The following CYB5R3 variants were observed in gnomAD, a reference collection of about 807,000 sequenced individuals.
CYB5R3 encodes the protein NADH-cytochrome b5 reductase 3.
Under a neutral mutation model 36.5 loss-of-function variants are expected in CYB5R3, and 28 were observed. The ratio of observed to expected loss-of-function variants is 0.77; its 90% CI spans 0.57 to 1.05. The LOEUF (loss-of-function observed/expected upper bound fraction) is 1.05, where lower values mean the gene tolerates loss of function less well. Ranked by LOEUF, CYB5R3 falls within the 50% of genes least tolerant of loss-of-function variation. The pLI, the probability that CYB5R3 is intolerant of heterozygous loss-of-function variation, is 0.00. For missense variants in CYB5R3, 474 were observed against 408.9 expected (o/e 1.16, Z -1.37); for synonymous variants, 181 against 159.8 (o/e 1.13, Z -1.00).
Position 42,618,536 on chromosome 22 carries a change from C to CAAAAAAA in CYB5R3, c.*1230_*1236dup, listed in dbSNP as rs33966940. ...TGGGCGACAGAGCGAGACTCCGTCT[C>CAAAAAAA]AAAAAAAAAAAAAAAAAAATACAAA... is the stretch of plus-strand genomic sequence containing the variant. On this transcript the variant is annotated 3_prime_UTR_variant, in exon 9 of 9. Coordinates refer to ENST00000352397, the MANE Select transcript of CYB5R3 (RefSeq NM_000398.7). 1.2e-5 allele frequency: 1 copy of CAAAAAAA among 86,786 alleles called. No homozygotes were observed. 5.4% of individuals were successfully genotyped at this position (86,786 alleles called of 1,614,324 possible). A position where few individuals can be genotyped will look rare whatever the true frequency, so the allele number is the denominator to read the frequency against.
At chr22:42,634,386 T>A (rs968944452) in intron 2 of CYB5R3, among the ~76,000 whole-genome samples, 1 of 151,792 alleles carries the variant, frequency 6.6e-6, no homozygotes, top group Non-Finnish European at 1.5e-5. Flanking sequence ...AAACAAAAAA[T>A]CATATCGCAA....
At chr22:42,630,360 C>T (rs1422755087) in intron 4 of CYB5R3, among the ~76,000 whole-genome samples, 3 of 152,196 alleles carry the variant, frequency 2.0e-5, no homozygotes, top group Non-Finnish European at 2.9e-5. Context: ...AAGAACAGGG[C>T]CTGCGTGTCA....
intron 1 of CYB5R3, among the ~76,000 whole-genome samples, chr22:42,647,356 GTAATCCCAGCACT>G (rs935293226): frequency 6.6e-6 from 1 of 152,232 alleles, no homozygotes; most frequent in Admixed American, 6.5e-5. Context: ...GTTCACACCT[GTAATCCCAGCACT>G]TTGAGGAGCT....
chr22:42,638,017 G>A (rs1928989450), intron 1 of CYB5R3, among the ~76,000 whole-genome samples: 1 of 152,226 alleles, frequency 6.6e-6, no homozygotes, highest in Non-Finnish European at 1.5e-5. Context: ...GAGAGGCGGA[G>A]GCAGGTGAAC....
chr22:42,643,689 C>T (rs1050013318), intron 1 of CYB5R3, among the ~76,000 whole-genome samples: 5 of 152,114 alleles, frequency 3.3e-5, no homozygotes, highest in Non-Finnish European at 7.4e-5. Flanking sequence ...CTGGCCACCA[C>T]CCATTTAATC....
At chr22:42,630,529 C>T (rs1928552830) in intron 4 of CYB5R3, among the ~76,000 whole-genome samples, 2 of 152,264 alleles carry the variant, frequency 1.3e-5, no homozygotes, top group Admixed American at 6.5e-5. Flanking sequence ...CCTGGAGCCT[C>T]TGCTGCAGGT....
At chr22:42,640,330 G>T in intron 1 of CYB5R3, 1 of 1,410,734 alleles carries the variant, frequency 7.1e-7, no homozygotes, top group South Asian at 1.3e-5. Context: ...TCACCCCCCG[G>T]AAGGACCCTG....
At chr22:42,644,656 C>G in intron 1 of CYB5R3, 1 of 1,420,652 alleles carries the variant, frequency 7.0e-7, no homozygotes, top group Admixed American at 2.8e-5. Flanking sequence ...TGCTATCGAC[C>G]TCTCCCTCAG....
intron 1 of CYB5R3, chr22:42,646,558 C>A (rs1439174863): frequency 1.3e-6 from 1 of 756,172 alleles, no homozygotes; most frequent in East Asian, 1.3e-4. Context: ...CTGCCAGGGC[C>A]CCCGACCTGG....
Position 42,619,376 on chromosome 22 carries a change from T to C in CYB5R3, c.*397A>G. 1 of 214,510 alleles carries C rather than the reference T, an allele frequency of 4.7e-6. No individual in the cohort carries two copies. Among genetic ancestry groups the C allele is most frequent in the South Asian group, 8.3e-5 (1 of 11,988 alleles). The allele number at this position is 214,510 out of a possible 1,614,324, so 13.3% of individuals were successfully genotyped here. Reference sequence around the variant, plus strand: ...CGAGGCTGGGGTGGGCCCTGGCACCTGCAGCTTTGGGCTGCCCATGTGTGT... The same window carrying C: ...CGAGGCTGGGGTGGGCCCTGGCACCCGCAGCTTTGGGCTGCCCATGTGTGT... On this transcript the variant is annotated 3_prime_UTR_variant, in exon 9 of 9. Coordinates refer to ENST00000352397, the MANE Select transcript of CYB5R3 (RefSeq NM_000398.7).
chr22:42,641,897 T>C (rs1201127743), intron 1 of CYB5R3, among the ~76,000 whole-genome samples: 1 of 152,152 alleles, frequency 6.6e-6, no homozygotes, highest in Non-Finnish European at 1.5e-5. Context: ...GTACTGGGAT[T>C]ACAGGCATGA....
Position 42,619,834 on chromosome 22 carries a change from TACTG to T in CYB5R3, c.841_844del (p.Gln281ThrfsTer67). On this transcript the variant is annotated frameshift_variant, in exon 9 of 9. Coordinates refer to ENST00000352397, the MANE Select transcript of CYB5R3 (RefSeq NM_000398.7). LOFTEE classifies it high-confidence loss of function. ...GTGGTCCAGGTTGGGAAGGCAGGCG[TACTG>T]GATCATGGGTGGGGGGCCACACATC... is the stretch of plus-strand genomic sequence containing the variant. The T allele has an allele frequency of 1.9e-6, 3 of 1,604,020 alleles. No homozygotes were observed. The highest frequency in any genetic ancestry group is 1.7e-6 in the Non-Finnish European group (2 of 1,176,552).
At chr22:42,646,838 G>A (rs1929561927) in intron 1 of CYB5R3, 2 of 985,736 alleles carry the variant, frequency 2.0e-6, no homozygotes, top group East Asian at 1.1e-4. Context: ...GGGCCGCAGA[G>A]TAAGCATGGG....
intron 4 of CYB5R3, among the ~76,000 whole-genome samples, chr22:42,629,563 C>T (rs917055908): frequency 6.6e-6 from 1 of 152,200 alleles, no homozygotes; most frequent in Non-Finnish European, 1.5e-5. Flanking sequence ...CAGGCCTGGG[C>T]GCCCCAGCAA....
chr22:42,627,783 G>T, intron 5 of CYB5R3, 95 bp from the exon 6 acceptor site: 1 of 940,558 alleles, frequency 1.1e-6, no homozygotes, highest in Non-Finnish European at 1.7e-6. Flanking sequence ...TGCCCCCACT[G>T]TGAGGTCCGA....
intron 3 of CYB5R3, 77 bp from the exon 4 acceptor site, chr22:42,631,065 C>G (rs1358431259): frequency 1.6e-6 from 2 of 1,278,052 alleles, no homozygotes; most frequent in Admixed American, 3.8e-5. Context: ...ACCCACTCCC[C>G]TGCACCCCAC....
At chr22:42,640,047 G>A (rs781619084) in intron 1 of CYB5R3, 70 of 1,613,534 alleles carry the variant, frequency 4.3e-5, no homozygotes, top group Non-Finnish European at 5.3e-5. Flanking sequence ...CCACCAAACC[G>A]TTCAGCAAAG....
intron 2 of CYB5R3, 71 bp from the exon 3 acceptor site, chr22:42,631,521 G>A: frequency 7.4e-7 from 1 of 1,347,418 alleles, no homozygotes; most frequent in Non-Finnish European, 1.0e-6. Flanking sequence ...CCAGGCCTCG[G>A]AGCCCCCATC....
At chr22:42,638,746 A>G (rs1330919913) in intron 1 of CYB5R3, among the ~76,000 whole-genome samples, 1 of 141,086 alleles carries the variant, frequency 7.1e-6, no homozygotes, top group Non-Finnish European at 1.5e-5. Flanking sequence ...AAAAAAAAAA[A>G]AAAAGGCCGG....
Sources: gnomAD v4.1 joint callset for allele counts (sites outside exome capture counted in the v4.1 genomes callset) on GRCh38, gnomAD v4.1.1 for gene constraint, MANE v1.5 for transcripts, NCBI Gene and HGNC (gene_info 2026-07-23, HGNC 2026-07-21) for gene names.